PUS10: variants seen among roughly 807,000 people sequenced by gnomAD.
PUS10 encodes the protein tRNA pseudouridine synthase Pus10.
Under a neutral mutation model 75.0 loss-of-function variants are expected in PUS10, and 59 were observed. That is an observed-to-expected ratio of 0.79 (90% CI 0.64 to 0.98). The LOEUF is 0.98. Ranked by LOEUF, PUS10 falls within the 50% of genes least tolerant of loss-of-function variation. PUS10 has a pLI of 0.00. For synonymous variants in PUS10, 219 were observed against 211.6 expected, an observed-to-expected ratio of 1.03 and a Z score of -0.30; for missense variants, 650 against 614.4, an observed-to-expected ratio of 1.06 and a Z score of -0.61.
intron 4 of PUS10, among the ~76,000 whole-genome samples, chr2:61,003,489 T>C (rs1387518131): frequency 3.3e-5 from 5 of 149,898 alleles, no homozygotes; most frequent in Admixed American, 3.3e-4. Context: ...ATTGCTGTCA[T>C]CAGAAAGGGA....
At chr2:60,989,454 C>T (rs1422366407) in intron 4 of PUS10, among the ~76,000 whole-genome samples, 1 of 152,122 alleles carries the variant, frequency 6.6e-6, no homozygotes, top group African/African-American at 2.4e-5. Context: ...TGATGACATA[C>T]ACACATAACC....
chr2:61,004,907 G>A (rs1351791992), intron 4 of PUS10, among the ~76,000 whole-genome samples: 1 of 152,066 alleles, frequency 6.6e-6, no homozygotes, highest in African/African-American at 2.4e-5. Context: ...TAGTTTTCTG[G>A]CTAAAATTAG....
Position 60,958,168 on chromosome 2 carries a change from A to G in PUS10, c.1000+2224T>C, listed in dbSNP as rs545581915. Among the ~76,000 whole-genome samples, 16 of 152,308 alleles carry G rather than the reference A, an allele frequency of 1.1e-4. No homozygotes were observed. In the East Asian group the frequency reaches 3.1e-3, roughly 29 times the overall value. On this transcript the variant is annotated intron_variant, in intron 11 of 17. Coordinates refer to ENST00000316752, the MANE Select transcript of PUS10 (RefSeq NM_144709.4). ...GGGCTGGAACCTGACACTTGGCGTG[A>G]CAGGTGGCCCCAAAAAGAATCCAAA... is the stretch of plus-strand genomic sequence containing the variant.
At chr2:61,002,478 T>A (rs1401198525) in intron 4 of PUS10, among the ~76,000 whole-genome samples, 1 of 152,180 alleles carries the variant, frequency 6.6e-6, no homozygotes, top group Non-Finnish European at 1.5e-5. Context: ...GGATCTTACT[T>A]TGTTCCAGGC....
chr2:61,007,698 G>A (rs1242162736), intron 3 of PUS10, among the ~76,000 whole-genome samples: 1 of 151,158 alleles, frequency 6.6e-6, no homozygotes. Context: ...GAACCTGGGA[G>A]GCGGAGGTTG....
intron 4 of PUS10, among the ~76,000 whole-genome samples, chr2:60,978,082 CAGG>C (rs1378023801): frequency 1.3e-5 from 2 of 152,072 alleles, no homozygotes; most frequent in South Asian, 2.1e-4. Flanking sequence ...CTCAGTCTTG[CAGG>C]AGAAGTGACA....
At chr2:60,948,938 T>G (rs2278300) in intron 15 of PUS10, among the ~76,000 whole-genome samples, 98,952 of 152,036 alleles carry the variant, frequency 0.65, 33,490 homozygotes, top group Middle Eastern at 0.8. Context: ...TGAATCCTCT[T>G]CATTTTCTTG....
At chr2:60,971,657 A>C in intron 4 of PUS10, 100 bp from the exon 5 acceptor site, 1 of 1,083,816 alleles carries the variant, frequency 9.2e-7, no homozygotes, top group Non-Finnish European at 1.4e-6. Flanking sequence ...CTATTTGCTA[A>C]TCAAACTCCC....
At chr2:60,980,074 G>A (rs1454218489) in intron 4 of PUS10, among the ~76,000 whole-genome samples, 1 of 152,032 alleles carries the variant, frequency 6.6e-6, no homozygotes, top group Admixed American at 6.6e-5. Context: ...GCAGGGAGGG[G>A]GATCAGAAAA....
intron 15 of PUS10, among the ~76,000 whole-genome samples, chr2:60,950,922 T>G (rs1675296882): frequency 6.6e-6 from 1 of 152,176 alleles, no homozygotes; most frequent in African/African-American, 2.4e-5. Context: ...GTCATTACCA[T>G]GTTGTTTTTG....
chr2:61,007,119 C>T (rs1215831116), intron 3 of PUS10, among the ~76,000 whole-genome samples: 1 of 151,388 alleles, frequency 6.6e-6, no homozygotes, highest in Non-Finnish European at 1.5e-5. Context: ...TATTTTTCTT[C>T]AATTAAATAG....
chr2:60,949,728 G>A (rs563164848), intron 15 of PUS10, among the ~76,000 whole-genome samples: 136 of 152,258 alleles, frequency 8.9e-4, no homozygotes, highest in African/African-American at 3.1e-3. Context: ...AGTCTACTTA[G>A]GCTATGGACC....
At chr2:60,955,140 C>G in intron 11 of PUS10, 66 bp from the exon 12 acceptor site, 1 of 1,027,396 alleles carries the variant, frequency 9.7e-7, no homozygotes, top group Non-Finnish European at 1.4e-6. Flanking sequence ...CATTCCCAAC[C>G]TTTGCTAGAA....
chr2:60,987,258 AC>A (rs969088524), intron 4 of PUS10, among the ~76,000 whole-genome samples: 1 of 152,322 alleles, frequency 6.6e-6, no homozygotes, highest in Admixed American at 6.5e-5. Context: ...TTAACCACAC[AC>A]CCAGTGACAA....
chr2:60,970,427 T>A (rs147089209), intron 5 of PUS10, among the ~76,000 whole-genome samples: 3 of 152,222 alleles, frequency 2.0e-5, no homozygotes, highest in Non-Finnish European at 4.4e-5. Context: ...CCAGAGTACA[T>A]AGGTACTGCC....
At chr2:60,960,168 A>AG (rs1553404982) in intron 11 of PUS10, among the ~76,000 whole-genome samples, 15 of 148,012 alleles carry the variant, frequency 1.0e-4, no homozygotes, top group African/African-American at 3.1e-4. Context: ...AAAAAAAAAA[A>AG]AGAGAGAGAG....
chr2:61,007,460 CAA>C (rs1456333860), intron 3 of PUS10, among the ~76,000 whole-genome samples: 1 of 149,418 alleles, frequency 6.7e-6, no homozygotes, highest in Admixed American at 6.7e-5. Context: ...GACCCTGTCT[CAA>C]AAAAGACAAA....
chr2:60,958,015 A>G (rs1675788364), intron 11 of PUS10, among the ~76,000 whole-genome samples: 1 of 152,240 alleles, frequency 6.6e-6, no homozygotes, highest in African/African-American at 2.4e-5. Context: ...GATGCTGTAC[A>G]TATGTCTCGT....
intron 3 of PUS10, among the ~76,000 whole-genome samples, chr2:61,007,810 G>A (rs1331969649): frequency 6.6e-6 from 1 of 151,708 alleles, no homozygotes; most frequent in Non-Finnish European, 1.5e-5. Context: ...ATTTGGCCGG[G>A]CACGGTGGCT....
Sources: allele counts gnomAD v4.1 joint callset (sites outside exome capture counted in the v4.1 genomes callset), GRCh38; gene constraint gnomAD v4.1.1; transcripts MANE v1.5; gene names NCBI Gene and HGNC (gene_info 2026-07-23, HGNC 2026-07-21).